GAS7: variants seen among roughly 807,000 people sequenced by gnomAD.
The protein encoded by GAS7 is growth arrest specific 7.
In GAS7, 28 loss-of-function variants were observed where a neutral mutation model predicts 71.1. The ratio of observed to expected loss-of-function variants is 0.39; its 90% CI spans 0.29 to 0.54. GAS7 has a LOEUF of 0.54. Among genes scored for constraint, GAS7 ranks in the 20% least tolerant of loss-of-function variants. GAS7 has a pLI of 0.62. For missense variants in GAS7, 436 were observed against 627.8 expected, an observed-to-expected ratio of 0.69 and a Z score of 3.27; for synonymous variants, 258 against 245.8, an observed-to-expected ratio of 1.05 and a Z score of -0.46.
chr17:10,025,441 G>C (rs564997518), intron 1 of GAS7, among the ~76,000 whole-genome samples: 1 of 151,884 alleles, frequency 6.6e-6, no homozygotes, highest in African/African-American at 2.4e-5. Context: ...CCCCAAGTGA[G>C]CATATGATGT....
rs967687050 is a variant in GAS7 at position 10,103,022 on chromosome 17, C to T, written c.184-83125G>A. 3.9e-5 allele frequency among the ~76,000 whole-genome samples: 6 copies of T among 152,098 alleles called. No individual in the cohort carries two copies. The highest frequency in any genetic ancestry group is 2.1e-4 in the South Asian group (1 of 4,830). Reference sequence around the variant, plus strand: ...AGGGAGGCACCAGCAGCATTCCTGTCGCCTAGAAGCTTGTTAGAAATGCAG... The same window carrying T: ...AGGGAGGCACCAGCAGCATTCCTGTTGCCTAGAAGCTTGTTAGAAATGCAG... On this transcript the variant is annotated intron_variant, in intron 1 of 13. Coordinates refer to ENST00000432992, the MANE Select transcript of GAS7 (RefSeq NM_201433.2). The surrounding 1 kb of genome is among the most constrained non-coding windows in gnomAD (Gnocchi z 5.5).
chr17:9,953,378 C>T (rs2069098595), intron 5 of GAS7, among the ~76,000 whole-genome samples: 1 of 152,222 alleles, frequency 6.6e-6, no homozygotes, highest in Non-Finnish European at 1.5e-5. Flanking sequence ...CTGCCACTGT[C>T]TCTGTCCTCT....
Position 9,942,350 on chromosome 17 carries a change from T to C in GAS7, c.731+771A>G, listed in dbSNP as rs184193760. ...TTGTGTGTTTGTGTGTGTGTGCACA[T>C]GGGTGATAGGTGGGTATGTGCAGCT... On this transcript the variant is annotated intron_variant, in intron 7 of 13. Coordinates refer to ENST00000432992, the MANE Select transcript of GAS7 (RefSeq NM_201433.2). Among the ~76,000 whole-genome samples, 49 of 151,462 alleles carry C rather than the reference T, an allele frequency of 3.2e-4. No individual in the cohort carries two copies. The East Asian group carries it at 9.1e-3, about 28-fold the overall frequency.
chr17:9,958,343 T>C (rs1407965524), intron 5 of GAS7, among the ~76,000 whole-genome samples: 1 of 152,230 alleles, frequency 6.6e-6, no homozygotes, highest in Non-Finnish European at 1.5e-5. Flanking sequence ...CAATTGTTAT[T>C]GTTAATTGTT....
chr17:10,154,241 G>A (rs1212735686), intron 1 of GAS7, among the ~76,000 whole-genome samples: 4 of 152,102 alleles, frequency 2.6e-5, no homozygotes, highest in Non-Finnish European at 4.4e-5. Context: ...GCTCATGCCT[G>A]TAATCCAGAC....
Position 10,180,256 on chromosome 17 carries a change from G to A in GAS7, c.183+17952C>T, listed in dbSNP as rs578118778. On this transcript the variant is annotated intron_variant, in intron 1 of 13. Coordinates refer to ENST00000432992, the MANE Select transcript of GAS7 (RefSeq NM_201433.2). Reference sequence around the variant, plus strand: ...CTTGGGAGGCTGAGACAGGAGAATCGCTTGAACCCGAGAGGCGGAGGTTGC... The same window carrying A: ...CTTGGGAGGCTGAGACAGGAGAATCACTTGAACCCGAGAGGCGGAGGTTGC... 2.0e-5 allele frequency among the ~76,000 whole-genome samples: 3 copies of A among 148,840 alleles called. No individual in the cohort carries two copies. In the South Asian group the frequency reaches 6.3e-4, roughly 31 times the overall value.
chr17:9,942,814 G>A (rs984350887), intron 7 of GAS7, among the ~76,000 whole-genome samples: 17 of 152,216 alleles, frequency 1.1e-4, no homozygotes, highest in East Asian at 7.7e-4. Context: ...CAAGTGTCGC[G>A]TGAGGGATGT....
chr17:10,155,183 T>C (rs1284411322), intron 1 of GAS7, among the ~76,000 whole-genome samples: 1 of 151,806 alleles, frequency 6.6e-6, no homozygotes, highest in African/African-American at 2.4e-5. Flanking sequence ...CCCAGCTAAT[T>C]TTTTGTATTT....
At chr17:10,002,002 C>T (rs1265960728) in intron 2 of GAS7, among the ~76,000 whole-genome samples, 1 of 152,136 alleles carries the variant, frequency 6.6e-6, no homozygotes, top group Admixed American at 6.5e-5. Context: ...CAGATTGCAA[C>T]CTGTTTACAG....
intron 3 of GAS7, among the ~76,000 whole-genome samples, chr17:9,977,224 G>C (rs1358776386): frequency 6.6e-6 from 1 of 152,178 alleles, no homozygotes; most frequent in African/African-American, 2.4e-5. Context: ...GAAAAATTCA[G>C]CTCCTTGGAC....
chr17:10,025,944 G>T (rs961588400), intron 1 of GAS7, among the ~76,000 whole-genome samples: 3 of 152,182 alleles, frequency 2.0e-5, no homozygotes, highest in Non-Finnish European at 4.4e-5. Context: ...TAAAGAAAAA[G>T]ATTCTGTTCC....
At chr17:10,197,988 T>G (rs8071183) in intron 1 of GAS7, among the ~76,000 whole-genome samples, 74,223 of 152,012 alleles carry the variant, frequency 0.49, 19,150 homozygotes, top group Non-Finnish European at 0.58. Flanking sequence ...CGGCGCAAGG[T>G]GGAAGCTCCC....
At chr17:10,053,263 G>C (rs1297932113) in intron 1 of GAS7, among the ~76,000 whole-genome samples, 5 of 152,144 alleles carry the variant, frequency 3.3e-5, no homozygotes, top group Non-Finnish European at 5.9e-5. Flanking sequence ...CGCGAGCCTG[G>C]GGCCCTCCAA....
intron 1 of GAS7, among the ~76,000 whole-genome samples, chr17:10,152,049 C>T (rs2074170531): frequency 6.6e-6 from 1 of 152,076 alleles, no homozygotes. Flanking sequence ...CACTGGAGTT[C>T]AGTGATGCCT....
intron 6 of GAS7, among the ~76,000 whole-genome samples, chr17:9,944,041 A>G (rs548985357): frequency 6.6e-6 from 1 of 152,376 alleles, no homozygotes; most frequent in Admixed American, 6.5e-5. Context: ...GGGCAAGTCA[A>G]TGAAATAAGT....
At chr17:10,032,675 C>T (rs778048590) in intron 1 of GAS7, among the ~76,000 whole-genome samples, 1 of 152,118 alleles carries the variant, frequency 6.6e-6, no homozygotes, top group African/African-American at 2.4e-5. Context: ...AAACAGCAGC[C>T]ACATAAACAA....
At chr17:10,159,031 G>T (rs1259502016) in intron 1 of GAS7, among the ~76,000 whole-genome samples, 1 of 105,266 alleles carries the variant, frequency 9.5e-6, no homozygotes, top group African/African-American at 3.8e-5. Context: ...CTGCACTCCA[G>T]CGTGGACAAC....
At chr17:10,120,735 C>A (rs1027749955) in intron 1 of GAS7, among the ~76,000 whole-genome samples, 15 of 152,004 alleles carry the variant, frequency 9.9e-5, no homozygotes, top group Admixed American at 2.6e-4. Flanking sequence ...ACAACAACAA[C>A]AAAAAAGCAC....
intron 1 of GAS7, among the ~76,000 whole-genome samples, chr17:10,169,390 G>A (rs2074318588): frequency 6.6e-6 from 1 of 152,188 alleles, no homozygotes; most frequent in Non-Finnish European, 1.5e-5. Flanking sequence ...TGAAGTCTGG[G>A]TGGGGTTACG....
Sources: gnomAD v4.1 joint callset for allele counts (sites outside exome capture counted in the v4.1 genomes callset) on GRCh38, gnomAD v4.1.1 for gene constraint, Gnocchi (gnomAD v3.1) non-coding constraint, MANE v1.5 for transcripts, NCBI Gene and HGNC (gene_info 2026-07-23, HGNC 2026-07-21) for gene names.